Variants in FHIT observed in about 807,000 individuals in gnomAD.
FHIT encodes the protein fragile histidine triad diadenosine triphosphatase.
In FHIT, 19 loss-of-function variants were observed where a neutral mutation model predicts 17.9. The ratio of observed to expected loss-of-function variants is 1.06; its 90% CI spans 0.74 to 1.56. FHIT has a LOEUF of 1.56. Among genes scored for constraint, FHIT ranks in the 40% most tolerant of loss-of-function variants. FHIT has a pLI of 0.00. For missense variants in FHIT, 248 were observed against 189.2 expected (o/e 1.31, Z -1.82); for synonymous variants, 81 against 69.7 (o/e 1.16, Z -0.81).
intron 4 of FHIT, among the ~76,000 whole-genome samples, chr3:60,629,826 G>GTGCCCA (rs2039392513): frequency 1.3e-5 from 2 of 152,250 alleles, no homozygotes; most frequent in Admixed American, 6.5e-5. Flanking sequence ...TTGAAACACA[G>GTGCCCA]TGCCCATTTA....
At chr3:60,222,642 A>T (rs1298316049) in intron 5 of FHIT, among the ~76,000 whole-genome samples, 3 of 152,174 alleles carry the variant, frequency 2.0e-5, no homozygotes, top group Non-Finnish European at 2.9e-5. Flanking sequence ...TACAAAAATT[A>T]GCTGGGTTAA....
At chr3:60,633,737 C>T (rs868980475) in intron 4 of FHIT, among the ~76,000 whole-genome samples, 1 of 152,160 alleles carries the variant, frequency 6.6e-6, no homozygotes, top group Non-Finnish European at 1.5e-5. Context: ...CCCAGGAACA[C>T]AGTTAGGCAG....
At chr3:60,863,964 T>C (rs1704043325) in intron 3 of FHIT, among the ~76,000 whole-genome samples, 1 of 152,104 alleles carries the variant, frequency 6.6e-6, no homozygotes, top group South Asian at 2.1e-4. Flanking sequence ...GGATAATTTA[T>C]AAAGAAAAAG....
At chr3:61,157,022 A>G (rs1560027190) in intron 2 of FHIT, among the ~76,000 whole-genome samples, 1 of 152,234 alleles carries the variant, frequency 6.6e-6, no homozygotes, top group Non-Finnish European at 1.5e-5. Flanking sequence ...CCTCATGGAT[A>G]TGATTCTTCA....
At chr3:60,603,052 C>A (rs1576954283) in intron 4 of FHIT, among the ~76,000 whole-genome samples, 1 of 152,074 alleles carries the variant, frequency 6.6e-6, no homozygotes, top group African/African-American at 2.4e-5. Context: ...GACAGCCTGT[C>A]AGGGTAAAAA....
chr3:60,364,007 C>T (rs890145068), intron 5 of FHIT, among the ~76,000 whole-genome samples: 1 of 151,428 alleles, frequency 6.6e-6, no homozygotes, highest in Non-Finnish European at 1.5e-5. Context: ...TCTGCCGTTA[C>T]TCATCCCAGT....
intron 2 of FHIT, among the ~76,000 whole-genome samples, chr3:61,103,860 G>C (rs1404519721): frequency 1.3e-5 from 2 of 151,580 alleles, no homozygotes; most frequent in Non-Finnish European, 2.9e-5. Flanking sequence ...TGTTTTATCA[G>C]AGACTAGGAT....
At chr3:60,555,464 A>G (rs2036710348) in intron 4 of FHIT, among the ~76,000 whole-genome samples, 1 of 152,240 alleles carries the variant, frequency 6.6e-6, no homozygotes, top group Non-Finnish European at 1.5e-5. Flanking sequence ...ACAGAACAGC[A>G]TTATCCAGGG....
At chr3:61,215,422 G>C (rs1560084774) in intron 1 of FHIT, among the ~76,000 whole-genome samples, 1 of 152,068 alleles carries the variant, frequency 6.6e-6, no homozygotes. Flanking sequence ...TTGCTCCTAG[G>C]AATCCAACTT....
At chr3:60,973,638 T>C (rs996884564) in intron 3 of FHIT, among the ~76,000 whole-genome samples, 2 of 152,188 alleles carry the variant, frequency 1.3e-5, no homozygotes, top group African/African-American at 4.8e-5. Flanking sequence ...ATGCTTTTAT[T>C]TTCCCTGATT....
intron 5 of FHIT, among the ~76,000 whole-genome samples, chr3:60,124,326 T>C (rs1406539785): frequency 6.6e-6 from 1 of 152,000 alleles, no homozygotes. Context: ...GAAAGGCTTA[T>C]TTCTTGAGCT....
rs201272684 is a variant in FHIT at position 60,276,139 on chromosome 3, CA to C, written c.103+260720del. Among the ~76,000 whole-genome samples, 959 of 152,134 alleles carry C rather than the reference CA, an allele frequency of 6.3e-3. 10 individuals carry two copies. Among genetic ancestry groups the C allele is most frequent in the African/African-American group, 0.022 (911 of 41,524 alleles). On this transcript the variant is annotated intron_variant, in intron 5 of 9. Coordinates refer to ENST00000492590, the MANE Select transcript of FHIT (RefSeq NM_002012.4). ...AGTAGCCGGGACTATAGATACCCGC[CA>C]CCAGGCTGGCTAATTTTTTGTGTAT... is the stretch of plus-strand genomic sequence containing the variant.
intron 5 of FHIT, among the ~76,000 whole-genome samples, chr3:60,345,646 C>G (rs1710738748): frequency 6.6e-6 from 1 of 152,152 alleles, no homozygotes; most frequent in South Asian, 2.1e-4. Flanking sequence ...AGACTATCGT[C>G]TCAAGATAGA....
In FHIT at chr3:60,879,782, A is replaced by C. The variant is rs528186000; in HGVS notation, c.-110-57771T>G. Among the ~76,000 whole-genome samples the C allele has an allele frequency of 3.3e-5, 5 of 151,950 alleles. No individual in the cohort carries two copies. The South Asian group carries it at 8.3e-4, about 25-fold the overall frequency. On this transcript the variant is annotated intron_variant, in intron 3 of 9. Transcript: ENST00000492590. Reference sequence around the variant, plus strand: ...AATAGGCAGCTTCAAGAACAGACTTAAGTATAGAAAACAATCTCTGAACCT... The same window carrying C: ...AATAGGCAGCTTCAAGAACAGACTTCAGTATAGAAAACAATCTCTGAACCT...
chr3:61,139,232 T>C (rs1408442992), intron 2 of FHIT, among the ~76,000 whole-genome samples: 1 of 152,140 alleles, frequency 6.6e-6, no homozygotes, highest in East Asian at 1.9e-4. Flanking sequence ...GATTTCACTG[T>C]GTTAGCCAGG....
chr3:59,802,896 T>C (rs1700055673), intron 8 of FHIT, among the ~76,000 whole-genome samples: 1 of 152,154 alleles, frequency 6.6e-6, no homozygotes, highest in Admixed American at 6.5e-5. Flanking sequence ...TCCTCTGAAA[T>C]TAGGGGCTTT....
At chr3:61,016,533 T>A (rs1352830348) in intron 3 of FHIT, among the ~76,000 whole-genome samples, 1 of 152,192 alleles carries the variant, frequency 6.6e-6, no homozygotes, top group Non-Finnish European at 1.5e-5. Context: ...GTCCTAAAAG[T>A]TACTTATGAC....
At chr3:59,931,504 C>G (rs577866997) in intron 7 of FHIT, among the ~76,000 whole-genome samples, 122 of 152,256 alleles carry the variant, frequency 8.0e-4, no homozygotes, top group Middle Eastern at 3.4e-3. Flanking sequence ...CACAGGCACA[C>G]TGATGGTTTC....
intron 3 of FHIT, among the ~76,000 whole-genome samples, chr3:61,030,489 T>C (rs996922064): frequency 1.1e-4 from 17 of 152,238 alleles, no homozygotes; most frequent in Admixed American, 1.0e-3. Context: ...ACATTTAAGT[T>C]CTCAATTAGC....
Sources: gnomAD v4.1 joint callset for allele counts (sites outside exome capture counted in the v4.1 genomes callset) on GRCh38, gnomAD v4.1.1 for gene constraint, MANE v1.5 for transcripts, NCBI Gene and HGNC (gene_info 2026-07-23, HGNC 2026-07-21) for gene names.